Variants in ENOX1 observed in about 807,000 individuals in gnomAD.
The protein encoded by ENOX1 is candidate growth-related and time keeping constitutive hydroquinone (NADH) oxidase.
Under a neutral mutation model 82.5 loss-of-function variants are expected in ENOX1, and 42 were observed. That is an observed-to-expected ratio of 0.51 (90% CI 0.40 to 0.66). The LOEUF (loss-of-function observed/expected upper bound fraction) is 0.66, where lower values mean the gene tolerates loss of function less well. Among genes scored for constraint, ENOX1 ranks in the 30% least tolerant of loss-of-function variants. ENOX1 has a pLI of 0.00. For missense variants in ENOX1, 608 were observed against 811.6 expected, an observed-to-expected ratio of 0.75 and a Z score of 3.05; for synonymous variants, 271 against 282.2, an observed-to-expected ratio of 0.96 and a Z score of 0.40.
intron 1 of ENOX1, among the ~76,000 whole-genome samples, chr13:43,735,502 C>T (rs2089577042): frequency 6.6e-6 from 1 of 152,038 alleles, no homozygotes; most frequent in Middle Eastern, 3.2e-3. Context: ...GGTGGATTGC[C>T]TGAGCTCAGG....
At chr13:43,647,946 G>A (rs534929148) in intron 2 of ENOX1, among the ~76,000 whole-genome samples, 2 of 152,168 alleles carry the variant, frequency 1.3e-5, no homozygotes, top group Non-Finnish European at 2.9e-5. Flanking sequence ...AAGACAGAAA[G>A]GCATCACAAC....
intron 1 of ENOX1, among the ~76,000 whole-genome samples, chr13:43,777,635 C>T (rs765821970): frequency 7.3e-5 from 11 of 151,718 alleles, no homozygotes; most frequent in Non-Finnish European, 1.0e-4. Flanking sequence ...CTCCACCTCC[C>T]GGGTTCAAGT....
At chr13:43,580,139 T>C (rs559807641) in intron 2 of ENOX1, among the ~76,000 whole-genome samples, 89 of 152,338 alleles carry the variant, frequency 5.8e-4, no homozygotes, top group Non-Finnish European at 9.7e-4. Context: ...CATCAGAACA[T>C]TATCTGGGAT....
intron 2 of ENOX1, among the ~76,000 whole-genome samples, chr13:43,570,047 G>T (rs1363033846): frequency 6.6e-6 from 1 of 152,176 alleles, no homozygotes; most frequent in Non-Finnish European, 1.5e-5. Flanking sequence ...TTAGCACCCA[G>T]CATAGTTTAG....
At chr13:43,524,714 A>C (rs1298571158) in intron 2 of ENOX1, among the ~76,000 whole-genome samples, 1 of 151,986 alleles carries the variant, frequency 6.6e-6, no homozygotes, top group East Asian at 1.9e-4. Flanking sequence ...CCCTCTTTTC[A>C]TTGAGGTTCT....
chr13:43,533,749 A>T (rs1484849811), intron 2 of ENOX1, among the ~76,000 whole-genome samples: 1 of 152,210 alleles, frequency 6.6e-6, no homozygotes, highest in African/African-American at 2.4e-5. Context: ...AAATATATAC[A>T]GAGTTAGCCT....
chr13:43,444,721 G>A (rs1447762415), intron 3 of ENOX1, among the ~76,000 whole-genome samples: 2 of 152,212 alleles, frequency 1.3e-5, no homozygotes, highest in Admixed American at 1.3e-4. Flanking sequence ...TACAAAAACT[G>A]AATTGTGTTC....
In ENOX1 at chr13:43,213,382, A is replaced by G. The variant is rs950257718; in HGVS notation, c.*608T>C. 4.6e-5 allele frequency: 7 copies of G among 152,120 alleles called. No individual in the cohort carries two copies. Among genetic ancestry groups the G allele is most frequent in the Admixed American group, 1.3e-4 (2 of 15,278 alleles). 9.4% of individuals were successfully genotyped at this position (152,120 alleles called of 1,614,324 possible). ...TGATAAAGCATTCTCAATGTGTCCA[A>G]TCATATTTTCTGCCTCTTCAATAAG... is the stretch of plus-strand genomic sequence containing the variant. On this transcript the variant is annotated 3_prime_UTR_variant, in exon 17 of 17. Coordinates refer to ENST00000690772, the MANE Select transcript of ENOX1 (RefSeq NM_001347969.2).
chr13:43,354,430 G>A (rs1205315117), intron 8 of ENOX1, among the ~76,000 whole-genome samples: 1 of 151,740 alleles, frequency 6.6e-6, no homozygotes, highest in Non-Finnish European at 1.5e-5. Flanking sequence ...AGCCCTGGAT[G>A]GGGGATGAAG....
intron 2 of ENOX1, among the ~76,000 whole-genome samples, chr13:43,567,561 A>G (rs1160614356): frequency 4.6e-5 from 7 of 152,292 alleles, no homozygotes; most frequent in Admixed American, 2.6e-4. Context: ...ATCCCTGTCT[A>G]CATGTGGCTT....
At chr13:43,310,296 C>CT (rs2047127750) in intron 11 of ENOX1, among the ~76,000 whole-genome samples, 1 of 149,476 alleles carries the variant, frequency 6.7e-6, no homozygotes, top group African/African-American at 2.5e-5. Flanking sequence ...ACAGCTCTAC[C>CT]TTTTTTTCTA....
chr13:43,464,747 A>G (rs1037402643), intron 3 of ENOX1, among the ~76,000 whole-genome samples: 2 of 151,992 alleles, frequency 1.3e-5, no homozygotes, highest in African/African-American at 4.8e-5. Context: ...ATCACTACTA[A>G]CTCAACTCCA....
At chr13:43,519,299 C>T (rs1220858228) in intron 2 of ENOX1, among the ~76,000 whole-genome samples, 1 of 152,144 alleles carries the variant, frequency 6.6e-6, no homozygotes, top group Non-Finnish European at 1.5e-5. Flanking sequence ...ATCTCACCAT[C>T]AACCTTATAT....
intron 3 of ENOX1, 108 bp from the exon 4 acceptor site, chr13:43,413,096 C>T: frequency 8.8e-7 from 1 of 1,133,448 alleles, no homozygotes; most frequent in Non-Finnish European, 1.2e-6. Flanking sequence ...GACCGATTTC[C>T]AGTCTCAGGC....
chr13:43,672,302 C>A (rs953396665), intron 1 of ENOX1, among the ~76,000 whole-genome samples: 1 of 152,182 alleles, frequency 6.6e-6, no homozygotes, highest in Non-Finnish European at 1.5e-5. Context: ...TAAGTACTTA[C>A]TAAAGTAAAT....
chr13:43,359,953 C>T lies in ENOX1; in HGVS notation c.487G>A (p.Glu163Lys). ...ATEEIIQEVF[E>K]QCGDITAIRK... The stretch of plus-strand genomic sequence containing the variant: ...ATTGCTGTAATATCACCGCACTGTT[C>T]AAAGACTTCTTGAATAATTTCCTCA... Residue 163 changes from glutamate to lysine, a missense_variant, in exon 7 of 17, where the codon GAA becomes AAA. Coordinates refer to ENST00000690772, the MANE Select transcript of ENOX1 (RefSeq NM_001347969.2). The T allele has an allele frequency of 1.9e-6, 3 of 1,614,190 alleles. No homozygotes were observed. The highest frequency in any genetic ancestry group is 2.5e-6 in the Non-Finnish European group (3 of 1,180,018).
At chr13:43,692,411 AG>A (rs1301716169) in intron 1 of ENOX1, among the ~76,000 whole-genome samples, 1 of 152,336 alleles carries the variant, frequency 6.6e-6, no homozygotes, top group East Asian at 1.9e-4. Context: ...AGAAACTATA[AG>A]GATTGATACA....
chr13:43,620,335 C>T (rs1217206531), intron 2 of ENOX1, among the ~76,000 whole-genome samples: 1 of 151,762 alleles, frequency 6.6e-6, no homozygotes, highest in East Asian at 1.9e-4. Flanking sequence ...AAAGTATGAC[C>T]TTAGAATGTC....
intron 3 of ENOX1, among the ~76,000 whole-genome samples, chr13:43,471,010 T>G (rs539346681): frequency 1.3e-5 from 2 of 152,340 alleles, no homozygotes; most frequent in East Asian, 3.9e-4. Flanking sequence ...TACTTTTAGA[T>G]GTTGACCTAC....
Sources: allele counts gnomAD v4.1 joint callset (sites outside exome capture counted in the v4.1 genomes callset), GRCh38; gene constraint gnomAD v4.1.1; transcripts MANE v1.5; gene names NCBI Gene and HGNC (gene_info 2026-07-23, HGNC 2026-07-21).